The following NADK variants were observed in gnomAD, a reference collection of about 807,000 sequenced individuals.
NADK encodes the protein poly(P)/ATP NAD kinase.
Under a neutral mutation model 49.8 loss-of-function variants are expected in NADK, and 22 were observed. The ratio of observed to expected loss-of-function variants is 0.44; its 90% CI spans 0.32 to 0.63. The LOEUF (loss-of-function observed/expected upper bound fraction) is 0.63, where lower values mean the gene tolerates loss of function less well. NADK is among the 30% of genes least tolerant of loss of function. The pLI is 0.06. For missense variants in NADK, 438 were observed against 609.4 expected (o/e 0.72, Z 2.96); for synonymous variants, 268 against 253.7 (o/e 1.06, Z -0.54).
intron 3 of NADK, chr1:1,760,029 A>G: frequency 1.0e-6 from 1 of 990,288 alleles, no homozygotes; most frequent in Non-Finnish European, 1.5e-6. Flanking sequence ...GCAGTGGAGC[A>G]CTCTGGGTCA....
Position 1,775,265 on chromosome 1 carries a change from C to T in NADK, c.-41+3024G>A, listed in dbSNP as rs764376645. ...GCAAAGAACATGAACAAAAGTCACA[C>T]ACACACAAATACAAACATAATACAC... On this transcript the variant is annotated intron_variant, in intron 1 of 11. Transcript: ENST00000341426. Among the ~76,000 whole-genome samples, 73 of 152,304 alleles carry T rather than the reference C, an allele frequency of 4.8e-4. 1 individual carries two copies. The highest frequency in any genetic ancestry group is 3.4e-3 in the Middle Eastern group (1 of 294).
In NADK at chr1:1,758,029, C is replaced by T. The variant is rs1237538452; in HGVS notation, c.264-719G>A. On this transcript the variant is annotated intron_variant, in intron 3 of 11. Coordinates refer to ENST00000341426, the MANE Select transcript of NADK (RefSeq NM_023018.5). ...CCATTACCACGTTAGTCACAGAAAA[C>T]ATCCCAGCCCAGAACCGGGAACACA... is the stretch of plus-strand genomic sequence containing the variant. 3.9e-5 allele frequency among the ~76,000 whole-genome samples: 6 copies of T among 152,340 alleles called. No homozygotes were observed. The East Asian group carries it at 5.8e-4, about 15-fold the overall frequency.
intron 2 of NADK, among the ~76,000 whole-genome samples, chr1:1,762,581 C>A (rs1570544575): frequency 6.6e-6 from 1 of 151,856 alleles, no homozygotes; most frequent in South Asian, 2.1e-4. Flanking sequence ...CATGGTGAAA[C>A]CCCCATCCTT....
chr1:1,766,502 T>C (rs1645892649), intron 1 of NADK, among the ~76,000 whole-genome samples: 1 of 140,668 alleles, frequency 7.1e-6, no homozygotes, highest in Non-Finnish European at 1.5e-5. Flanking sequence ...AGAGAAAGTG[T>C]GCAATTTCAA....
chr1:1,759,575 G>A lies in NADK; in HGVS notation c.264-2265C>T, dbSNP rs562479735. On this transcript the variant is annotated intron_variant, in intron 3 of 11. Transcript: ENST00000341426. ...ACAGGGTCTTGCTCTGGACTATCAG[G>A]GAAGACGGAAGTTCAGATGCATGGG... 5.3e-5 allele frequency among the ~76,000 whole-genome samples: 8 copies of A among 152,346 alleles called. No homozygotes were observed. The South Asian group carries it at 1.7e-3, about 32-fold the overall frequency.
chr1:1,759,278 A>G (rs1645637634), intron 3 of NADK: 1 of 1,529,926 alleles, frequency 6.5e-7, no homozygotes, highest in Non-Finnish European at 8.8e-7. Context: ...GCAGGCACGC[A>G]CGGCTGTGGG....
chr1:1,758,551 C>T (rs772695354), intron 3 of NADK: 16 of 1,574,132 alleles, frequency 1.0e-5, no homozygotes, highest in South Asian at 4.6e-5. Flanking sequence ...CCTGACTGTG[C>T]GCCCACACTA....
chr1:1,756,300 C>A lies in NADK; in HGVS notation c.543G>T (p.Leu181=), dbSNP rs1300016644. Residue 181 remains leucine (L), a synonymous_variant, in exon 6 of 12, where the codon CTG becomes CTT. Transcript: ENST00000341426. The part of the protein sequence containing the change: ...ISNQIDFIIC[L]GGDGTLLYAS... ...CGTACAGCAGCGTCCCGTCTCCCCC[C>A]AGGCAGATGATGAAGTCTATCTGAT... The A allele has an allele frequency of 1.9e-6, 3 of 1,614,192 alleles. No homozygotes were observed. The highest frequency in any genetic ancestry group is 2.2e-5 in the South Asian group (2 of 91,090).
rs1387271320 is a variant in NADK at position 1,778,247 on chromosome 1, G to T, written c.-41+42C>A. The T allele has an allele frequency of 6.6e-6, 1 of 152,050 alleles. No homozygotes were observed. Among genetic ancestry groups the T allele is most frequent in the South Asian group, 2.1e-4 (1 of 4,830 alleles). The allele number at this position is 152,050 out of a possible 1,614,324, so 9.4% of individuals were successfully genotyped here. A position where few individuals can be genotyped will look rare whatever the true frequency, so the allele number is the denominator to read the frequency against. On this transcript the variant is annotated intron_variant, in intron 1 of 11. Coordinates refer to ENST00000341426, the MANE Select transcript of NADK (RefSeq NM_023018.5). This position sits in a 1 kb window ranked among gnomAD's most constrained non-coding sequence, Gnocchi z 4.9. Reference sequence around the variant, plus strand: ...GCGGGCAGCGATGACCCCAGGCAGCGGGCGACCCCAGGCGGACGGCAGGCC... The same window carrying T: ...GCGGGCAGCGATGACCCCAGGCAGCTGGCGACCCCAGGCGGACGGCAGGCC...
chr1:1,760,838 A>G (rs1400107925), intron 3 of NADK, among the ~76,000 whole-genome samples: 1 of 152,172 alleles, frequency 6.6e-6, no homozygotes, highest in South Asian at 2.1e-4. Context: ...CTGGGAGCTC[A>G]CTTTTTTCTC....
At position 1,778,132 on chromosome 1, in the gene NADK, G is replaced by A. The variant is rs941748137; in HGVS notation, c.-41+157C>T. Reference sequence around the variant, plus strand: ...GCCGTGCTGGTGCCCCATTCGGGACGGAGCGGTGGCCCGTCAGCACTTCCA... The same window carrying A: ...GCCGTGCTGGTGCCCCATTCGGGACAGAGCGGTGGCCCGTCAGCACTTCCA... On this transcript the variant is annotated intron_variant, in intron 1 of 11. Coordinates refer to ENST00000341426, the MANE Select transcript of NADK (RefSeq NM_023018.5). This position sits in a 1 kb window ranked among gnomAD's most constrained non-coding sequence, Gnocchi z 4.9. 6.6e-6 allele frequency among the ~76,000 whole-genome samples: 1 copy of A among 152,218 alleles called. No individual in the cohort carries two copies. Among genetic ancestry groups the A allele is most frequent in the African/African-American group, 2.4e-5 (1 of 41,472 alleles).
At chr1:1,762,461 TAA>T (rs1478200404) in intron 2 of NADK, among the ~76,000 whole-genome samples, 7 of 152,082 alleles carry the variant, frequency 4.6e-5, no homozygotes, top group African/African-American at 1.7e-4. Flanking sequence ...CTCATGTCAA[TAA>T]AAAAGACGTA....
Position 1,754,967 on chromosome 1 carries a change from G to T in NADK, c.689-269C>A. The stretch of plus-strand genomic sequence containing the variant: ...CTCCCAAGTAGCTGGAACTACGGGT[G>T]CGCACCACCACGCCCAGCTAATTTT... On this transcript the variant is annotated intron_variant, in intron 7 of 11. Transcript: ENST00000341426. The surrounding 1 kb of genome is among the most constrained non-coding windows in gnomAD (Gnocchi z 4.3). 4 of 455,234 alleles carry T rather than the reference G, an allele frequency of 8.8e-6. No homozygotes were observed. The South Asian group carries it at 1.1e-4, about 13-fold the overall frequency. The allele number at this position is 455,234 out of a possible 1,614,324, so 28.2% of individuals were successfully genotyped here.
At chr1:1,768,353 C>G (rs942890935) in intron 1 of NADK, among the ~76,000 whole-genome samples, 3 of 151,994 alleles carry the variant, frequency 2.0e-5, no homozygotes, top group African/African-American at 7.3e-5. Context: ...GCCTGGGCAA[C>G]ATAGCAGGAT....
chr1:1,754,442 C>A lies in NADK; in HGVS notation c.844-59G>T. On this transcript the variant is annotated intron_variant, in intron 8 of 11. Coordinates refer to ENST00000341426, the MANE Select transcript of NADK (RefSeq NM_023018.5). The surrounding 1 kb of genome is among the most constrained non-coding windows in gnomAD (Gnocchi z 4.3). Reference sequence around the variant, plus strand: ...GGGGATGCCGCACGGCTCGCAGACACCCTCCGTCTCACCCAGCCGGGCTCT... The same window carrying A: ...GGGGATGCCGCACGGCTCGCAGACAACCTCCGTCTCACCCAGCCGGGCTCT... 1 of 1,608,418 alleles carries A rather than the reference C, an allele frequency of 6.2e-7. No homozygotes were observed. The highest frequency in any genetic ancestry group is 8.5e-7 in the Non-Finnish European group (1 of 1,176,064).
At position 1,765,486 on chromosome 1, in the gene NADK, A is replaced by C. The variant is rs1272768175; in HGVS notation, c.-40-40T>G. 4 of 997,802 alleles carry C rather than the reference A, an allele frequency of 4.0e-6. No homozygotes were observed. In the South Asian group the frequency reaches 9.3e-5, roughly 23 times the overall value. 61.8% of individuals were successfully genotyped at this position (997,802 alleles called of 1,614,324 possible). A position where few individuals can be genotyped will look rare whatever the true frequency, so the allele number is the denominator to read the frequency against. ...ATAAATAATGTAAATAAAGTAAATA[A>C]ATATGTATGAAACAATAATAATTTA... On this transcript the variant is annotated intron_variant, in intron 1 of 11. Transcript: ENST00000341426.
In NADK at chr1:1,762,025, A is replaced by G. The variant is rs1645740056; in HGVS notation, c.190T>C (p.Ser64Pro). ...GTCACCGGGCATGGCCCATGAAGAG[A>G]GCGTGTCCTCCTGTGGGGAGAGGGC... ...GSTKEFRRTR[S>P]LHGPCPVTTF... The change falls in exon 3 of 12, where the codon TCT becomes CCT. Residue 64 changes from serine (S) to proline (P), a missense_variant. By Grantham distance (74) the Ser-to-Pro change is moderately conservative (BLOSUM62 -1). Coordinates refer to ENST00000341426, the MANE Select transcript of NADK (RefSeq NM_023018.5). 6.2e-7 allele frequency: 1 copy of G among 1,613,940 alleles called. No homozygotes were observed. Among genetic ancestry groups the G allele is most frequent in the Non-Finnish European group, 8.5e-7 (1 of 1,179,980 alleles).
At chr1:1,761,133 T>C (rs1645710324) in intron 3 of NADK, among the ~76,000 whole-genome samples, 2 of 152,202 alleles carry the variant, frequency 1.3e-5, no homozygotes. Flanking sequence ...GCTGGGATTA[T>C]AGGCACGCGC....
chr1:1,754,243 G>C lies in NADK; in HGVS notation c.944-35C>G, dbSNP rs370298135. The stretch of plus-strand genomic sequence containing the variant: ...ACAGGCGCAGGCGTCACTCCCGCCC[G>C]AGGGACGCTCAGGGCCCCAGGACAG... On this transcript the variant is annotated intron_variant, in intron 9 of 11. Coordinates refer to ENST00000341426, the MANE Select transcript of NADK (RefSeq NM_023018.5). This position sits in a 1 kb window ranked among gnomAD's most constrained non-coding sequence, Gnocchi z 4.3. 6.2e-7 allele frequency: 1 copy of C among 1,613,248 alleles called. No homozygotes were observed. Among genetic ancestry groups the C allele is most frequent in the South Asian group, 1.1e-5 (1 of 91,060 alleles).
Sources: allele counts gnomAD v4.1 joint callset (sites outside exome capture counted in the v4.1 genomes callset), GRCh38; gene constraint gnomAD v4.1.1; non-coding constraint Gnocchi (gnomAD v3.1); transcripts MANE v1.5; gene names NCBI Gene and HGNC (gene_info 2026-07-23, HGNC 2026-07-21).